The following GLCCI1 variants were observed in gnomAD, a reference collection of about 807,000 sequenced individuals.
GLCCI1 encodes the protein glucocorticoid-induced transcript 1 protein.
In GLCCI1, 24 loss-of-function variants were observed where a neutral mutation model predicts 52.2. The observed-to-expected ratio is 0.46, with a 90% CI of 0.33 to 0.65. The LOEUF (loss-of-function observed/expected upper bound fraction) is 0.65, where lower values mean the gene tolerates loss of function less well. Ranked by LOEUF, GLCCI1 falls within the 30% of genes least tolerant of loss-of-function variation. The pLI, the probability that GLCCI1 is intolerant of heterozygous loss-of-function variation, is 0.02. For synonymous variants in GLCCI1, 310 were observed against 276.5 expected, an observed-to-expected ratio of 1.12 and a Z score of -1.20; for missense variants, 704 against 701.5, an observed-to-expected ratio of 1.00 and a Z score of -0.04.
chr7:8,036,740 TTGAA>T, intron 3 of GLCCI1, among the ~76,000 whole-genome samples: 1 of 152,260 alleles, frequency 6.6e-6, no homozygotes, highest in African/African-American at 2.4e-5. Context: ...GAAAAATTCA[TTGAA>T]TGAATTACAA....
chr7:8,014,197 G>C (rs1444366959), intron 2 of GLCCI1, among the ~76,000 whole-genome samples: 1 of 152,038 alleles, frequency 6.6e-6, no homozygotes, highest in Non-Finnish European at 1.5e-5. Flanking sequence ...CACCATGTTG[G>C]TCAGGCTGGT....
intron 6 of GLCCI1, among the ~76,000 whole-genome samples, chr7:8,078,051 G>A (rs1016242858): frequency 2.0e-4 from 30 of 151,804 alleles, no homozygotes; most frequent in African/African-American, 6.5e-4. Context: ...TGGCTAACAC[G>A]GTGAAACCCC....
intron 3 of GLCCI1, among the ~76,000 whole-genome samples, chr7:8,050,556 C>T (rs946359820): frequency 6.6e-6 from 1 of 152,110 alleles, no homozygotes; most frequent in South Asian, 2.1e-4. Flanking sequence ...AAGAGATTAA[C>T]AGCTTGAGAT....
intron 2 of GLCCI1, among the ~76,000 whole-genome samples, chr7:8,013,588 T>C (rs1328810035): frequency 2.6e-5 from 4 of 152,252 alleles, no homozygotes; most frequent in Admixed American, 1.3e-4. Flanking sequence ...CAATTAAATA[T>C]GAATTCAGGG....
Position 8,010,061 on chromosome 7 carries a change from G to A in GLCCI1, c.609+6002G>A, listed in dbSNP as rs377465677. ...TTATACCTTTATTTGAGTTTTATAG[G>A]CCTTAAACTTTTTCTGATACAGTTA... On this transcript the variant is annotated intron_variant, in intron 2 of 7. Coordinates refer to ENST00000223145, the MANE Select transcript of GLCCI1 (RefSeq NM_138426.4). Among the ~76,000 whole-genome samples the A allele has an allele frequency of 1.8e-4, 28 of 151,786 alleles. No homozygotes were observed. In the East Asian group the frequency reaches 3.9e-3, roughly 21 times the overall value.
At position 8,087,264 on chromosome 7, in the gene GLCCI1, C is replaced by A. The variant is rs1783136315; in HGVS notation, c.*726C>A. 6.6e-6 allele frequency: 1 copy of A among 152,574 alleles called. No homozygotes were observed. Among genetic ancestry groups the A allele is most frequent in the Non-Finnish European group, 1.5e-5 (1 of 68,024 alleles). 9.5% of individuals were successfully genotyped at this position (152,574 alleles called of 1,614,324 possible). ...TGGACATGGGTGAACATGAGGAGAA[C>A]CAGCAAAATCTGTGGTGTTTGACAT... On this transcript the variant is annotated 3_prime_UTR_variant, in exon 8 of 8. Coordinates refer to ENST00000223145, the MANE Select transcript of GLCCI1 (RefSeq NM_138426.4).
At chr7:8,068,599 A>G (rs963793612) in intron 5 of GLCCI1, among the ~76,000 whole-genome samples, 2 of 152,040 alleles carry the variant, frequency 1.3e-5, no homozygotes, top group African/African-American at 4.8e-5. Context: ...CTGAATCTTG[A>G]TGACCTTCAT....
chr7:8,074,993 G>C (rs1296813147), intron 6 of GLCCI1, among the ~76,000 whole-genome samples: 1 of 151,950 alleles, frequency 6.6e-6, no homozygotes, highest in Non-Finnish European at 1.5e-5. Context: ...CCCTAATGAG[G>C]GATGTGCTGG....
intron 3 of GLCCI1, among the ~76,000 whole-genome samples, chr7:8,050,652 C>T (rs1245282519): frequency 1.3e-5 from 2 of 152,154 alleles, no homozygotes; most frequent in South Asian, 2.1e-4. Context: ...TATCTCAGTT[C>T]AGCCTTTGTC....
intron 1 of GLCCI1, among the ~76,000 whole-genome samples, chr7:7,976,931 A>T (rs111728066): frequency 1.5e-3 from 235 of 152,060 alleles, no homozygotes; most frequent in African/African-American, 5.4e-3. Context: ...CAAAAAAAAA[A>T]AAAAAGTTAA....
At position 8,063,522 on chromosome 7, in the gene GLCCI1, A is replaced by C. The variant is rs147423295; in HGVS notation, c.966+3274A>C. 2.3e-3 allele frequency among the ~76,000 whole-genome samples: 354 copies of C among 151,598 alleles called. 3 individuals are homozygous for C. The highest frequency in any genetic ancestry group is 8.2e-3 in the African/African-American group (339 of 41,308). ...TTGTGGTTTTGACTTGCATTTTTGT[A>C]ATGTGGAGCATTTTTTCATATGCTT... is the stretch of plus-strand genomic sequence containing the variant. On this transcript the variant is annotated intron_variant, in intron 5 of 7. Coordinates refer to ENST00000223145, the MANE Select transcript of GLCCI1 (RefSeq NM_138426.4).
At position 7,969,479 on chromosome 7, in the gene GLCCI1, G is replaced by C; in HGVS notation, c.129G>C (p.Ala43=). Residue 43 remains alanine, a synonymous_variant, in exon 1 of 8, where the codon GCG becomes GCC. Transcript: ENST00000223145. This position sits in a 1 kb window ranked among gnomAD's most constrained non-coding sequence, Gnocchi z 4.9. ...CCGCCGCCGGGAGCGGGAACGGTGCGGGCGGCGGCGGCGGCGTGGGCTGCG... is the reference window on the plus strand; with the variant it reads ...CCGCCGCCGGGAGCGGGAACGGTGCCGGCGGCGGCGGCGGCGTGGGCTGCG... ...AVAAAGSGNG[A]GGGGGVGCAP... 2 of 1,031,782 alleles carry C rather than the reference G, an allele frequency of 1.9e-6. No individual in the cohort carries two copies. Among genetic ancestry groups the C allele is most frequent in the East Asian group, 8.0e-5 (1 of 12,542 alleles). The allele number at this position is 1,031,782 out of a possible 1,614,324, so 63.9% of individuals were successfully genotyped here.
chr7:7,978,964 A>G (rs1780552886), intron 1 of GLCCI1, among the ~76,000 whole-genome samples: 1 of 152,200 alleles, frequency 6.6e-6, no homozygotes, highest in African/African-American at 2.4e-5. Context: ...GAAGTTTTGT[A>G]AGTGTCATTT....
chr7:8,060,614 C>T (rs1782492867), intron 5 of GLCCI1, among the ~76,000 whole-genome samples: 1 of 152,140 alleles, frequency 6.6e-6, no homozygotes, highest in South Asian at 2.1e-4. Flanking sequence ...TTTTTTTTAA[C>T]TTAGCATAGT....
intron 5 of GLCCI1, among the ~76,000 whole-genome samples, chr7:8,064,400 A>G (rs1782585495): frequency 6.6e-6 from 1 of 152,110 alleles, no homozygotes; most frequent in African/African-American, 2.4e-5. Flanking sequence ...TTTGTCAAAG[A>G]ACAGATGGTT....
At chr7:8,012,183 C>G (rs1191550346) in intron 2 of GLCCI1, among the ~76,000 whole-genome samples, 2 of 152,050 alleles carry the variant, frequency 1.3e-5, no homozygotes, top group Admixed American at 1.3e-4. Context: ...AATAGTCAAC[C>G]TGGTATCTTA....
At chr7:8,039,203 A>G (rs368931042) in intron 3 of GLCCI1, among the ~76,000 whole-genome samples, 6 of 152,236 alleles carry the variant, frequency 3.9e-5, no homozygotes, top group South Asian at 2.1e-4. Flanking sequence ...TTTCTCACAG[A>G]ACTAAAAATA....
intron 1 of GLCCI1, among the ~76,000 whole-genome samples, chr7:7,971,733 C>G (rs1322962928): frequency 6.6e-6 from 1 of 152,172 alleles, no homozygotes; most frequent in East Asian, 1.9e-4. Flanking sequence ...AATTTGTGAT[C>G]TGGCTTAAAC....
intron 3 of GLCCI1, among the ~76,000 whole-genome samples, chr7:8,034,136 C>G (rs56747980): frequency 0.028 from 4,259 of 152,066 alleles, 191 homozygotes; most frequent in African/African-American, 0.09. Flanking sequence ...CCAAAGAAGC[C>G]AACACAATTT....
Sources: gnomAD v4.1 joint callset for allele counts (sites outside exome capture counted in the v4.1 genomes callset) on GRCh38, gnomAD v4.1.1 for gene constraint, Gnocchi (gnomAD v3.1) non-coding constraint, MANE v1.5 for transcripts, NCBI Gene and HGNC (gene_info 2026-07-23, HGNC 2026-07-21) for gene names.